Variants in CSRNP3 observed in about 807,000 individuals in gnomAD.
CSRNP3 encodes cysteine and serine rich nuclear protein 3, also known as cysteine/serine-rich nuclear protein 3.
CSRNP3 carries 12 observed loss-of-function variants against 48.0 expected under a neutral mutation model. The observed-to-expected ratio is 0.25, with a 90% CI of 0.16 to 0.41. CSRNP3 has a LOEUF of 0.41. CSRNP3 is among the 10% of genes least tolerant of loss of function. The pLI, the probability that CSRNP3 is intolerant of heterozygous loss-of-function variation, is 1.00. For missense variants in CSRNP3, 580 were observed against 724.4 expected (o/e 0.80, Z 2.29); for synonymous variants, 263 against 269.7 (o/e 0.98, Z 0.24).
At chr2:165,504,691 G>A (rs1011967232) in intron 2 of CSRNP3, among the ~76,000 whole-genome samples, 7 of 152,068 alleles carry the variant, frequency 4.6e-5, no homozygotes, top group African/African-American at 1.2e-4. Flanking sequence ...AATTCTGATC[G>A]TTTAACCAAC....
rs1054850382 is a variant in CSRNP3 at position 165,688,924 on chromosome 2, T to C, written c.*9171T>C. The stretch of plus-strand genomic sequence containing the variant: ...TTACTCAATATCAACAGTACTTCAA[T>C]AGATATTTATTAGTTATGTTCAATC... On this transcript the variant is annotated 3_prime_UTR_variant, in exon 7 of 7. Transcript: ENST00000651982. 5 of 152,150 alleles carry C rather than the reference T, an allele frequency of 3.3e-5. No individual in the cohort carries two copies. The highest frequency in any genetic ancestry group is 7.4e-5 in the Non-Finnish European group (5 of 68,022). The allele number at this position is 152,150 out of a possible 1,614,324, so 9.4% of individuals were successfully genotyped here.
intron 1 of CSRNP3, among the ~76,000 whole-genome samples, chr2:165,481,937 A>T (rs1473140733): frequency 6.6e-6 from 1 of 152,112 alleles, no homozygotes; most frequent in Non-Finnish European, 1.5e-5. Flanking sequence ...TCGAGGAGAC[A>T]GAGTGCGGGA....
intron 3 of CSRNP3, among the ~76,000 whole-genome samples, chr2:165,587,921 A>T (rs944004021): frequency 6.6e-6 from 1 of 152,206 alleles, no homozygotes; most frequent in Non-Finnish European, 1.5e-5. Context: ...ACGGATATTA[A>T]ATTATGGAAA....
intron 3 of CSRNP3, among the ~76,000 whole-genome samples, chr2:165,544,170 G>A (rs1684994066): frequency 6.6e-6 from 1 of 152,052 alleles, no homozygotes. Context: ...GACACATTAG[G>A]CTTTACTAAG....
intron 3 of CSRNP3, among the ~76,000 whole-genome samples, chr2:165,548,700 C>T (rs1243180522): frequency 6.6e-6 from 1 of 151,932 alleles, no homozygotes; most frequent in Non-Finnish European, 1.5e-5. Context: ...TCAAAAGAAA[C>T]ATAACCCTAA....
At chr2:165,567,914 A>C (rs544071642) in intron 3 of CSRNP3, among the ~76,000 whole-genome samples, 1 of 152,174 alleles carries the variant, frequency 6.6e-6, no homozygotes, top group Non-Finnish European at 1.5e-5. Context: ...AGTTTAACCA[A>C]CTAAGGCAAA....
intron 2 of CSRNP3, among the ~76,000 whole-genome samples, chr2:165,515,807 T>C (rs1330653721): frequency 2.4e-4 from 34 of 144,240 alleles, no homozygotes; most frequent in Non-Finnish European, 2.7e-4. Flanking sequence ...CTTTCTTTTT[T>C]TTTTTTTTTT....
chr2:165,576,659 T>C (rs375492782), intron 3 of CSRNP3, among the ~76,000 whole-genome samples: 18 of 152,168 alleles, frequency 1.2e-4, no homozygotes, highest in East Asian at 9.6e-4. Flanking sequence ...CTCAAAACTT[T>C]GAAGTCTTTT....
At chr2:165,611,999 A>T (rs1225045732) in intron 4 of CSRNP3, among the ~76,000 whole-genome samples, 1 of 152,128 alleles carries the variant, frequency 6.6e-6, no homozygotes, top group Non-Finnish European at 1.5e-5. Context: ...CCCAAAAGTA[A>T]AAACATTTAT....
intron 3 of CSRNP3, among the ~76,000 whole-genome samples, chr2:165,525,619 G>T (rs761032948): frequency 6.6e-6 from 1 of 151,574 alleles, no homozygotes; most frequent in Non-Finnish European, 1.5e-5. Context: ...CCAAAAAGCT[G>T]GGACTACAGG....
At chr2:165,632,928 T>G (rs995045017) in intron 4 of CSRNP3, among the ~76,000 whole-genome samples, 1 of 152,228 alleles carries the variant, frequency 6.6e-6, no homozygotes, top group Admixed American at 6.5e-5. Context: ...TGAAAAACAC[T>G]TAGCACTGTG....
At chr2:165,547,082 A>G (rs921448928) in intron 3 of CSRNP3, among the ~76,000 whole-genome samples, 1 of 152,162 alleles carries the variant, frequency 6.6e-6, no homozygotes, top group Non-Finnish European at 1.5e-5. Flanking sequence ...CCTGTCTTTA[A>G]GTCTTTTTCT....
chr2:165,632,644 AT>A (rs1371145246), intron 4 of CSRNP3, among the ~76,000 whole-genome samples: 1 of 152,242 alleles, frequency 6.6e-6, no homozygotes, highest in African/African-American at 2.4e-5. Flanking sequence ...AAATCTAACC[AT>A]TTTATGTTTA....
chr2:165,499,836 G>A (rs1209131705), intron 2 of CSRNP3, among the ~76,000 whole-genome samples: 1 of 152,008 alleles, frequency 6.6e-6, no homozygotes, highest in African/African-American at 2.4e-5. Flanking sequence ...ACTATTTGCA[G>A]TGAGTTAAAA....
intron 4 of CSRNP3, among the ~76,000 whole-genome samples, chr2:165,613,923 T>C (rs546426483): frequency 6.6e-6 from 1 of 152,274 alleles, no homozygotes; most frequent in Non-Finnish European, 1.5e-5. Flanking sequence ...TGTTTTTTTT[T>C]TTATTCTGTG....
rs2105369894 is a variant in CSRNP3 at position 165,682,858 on chromosome 2, C to A, written c.*3105C>A. Reference sequence around the variant, plus strand: ...AGATCTTTATGCCAAGACACAATAACCTGACCTGCAGCTGTTGTATTGCCT... The same window carrying A: ...AGATCTTTATGCCAAGACACAATAAACTGACCTGCAGCTGTTGTATTGCCT... On this transcript the variant is annotated 3_prime_UTR_variant, in exon 7 of 7. Transcript: ENST00000651982. 6.6e-6 allele frequency: 1 copy of A among 152,252 alleles called. No homozygotes were observed. Among genetic ancestry groups the A allele is most frequent in the East Asian group, 1.9e-4 (1 of 5,184 alleles). The allele number at this position is 152,252 out of a possible 1,614,324, so 9.4% of individuals were successfully genotyped here.
At chr2:165,674,969 T>C (rs1000332878) in intron 5 of CSRNP3, among the ~76,000 whole-genome samples, 5 of 151,832 alleles carry the variant, frequency 3.3e-5, no homozygotes, top group African/African-American at 1.2e-4. Context: ...CACCTTGGAC[T>C]CCCAAAGTCC....
chr2:165,544,474 G>A (rs1684998131), intron 3 of CSRNP3, among the ~76,000 whole-genome samples: 1 of 151,732 alleles, frequency 6.6e-6, no homozygotes, highest in Non-Finnish European at 1.5e-5. Flanking sequence ...GACATGATCT[G>A]ACTTAGATAT....
At chr2:165,511,302 T>A (rs567905416) in intron 2 of CSRNP3, among the ~76,000 whole-genome samples, 1 of 152,050 alleles carries the variant, frequency 6.6e-6, no homozygotes, top group East Asian at 1.9e-4. Context: ...AGAATTAGGG[T>A]GATAGTGAGA....
Sources: allele counts gnomAD v4.1 joint callset (sites outside exome capture counted in the v4.1 genomes callset), GRCh38; gene constraint gnomAD v4.1.1; transcripts MANE v1.5; gene names NCBI Gene and HGNC (gene_info 2026-07-23, HGNC 2026-07-21).